Variants in JAML observed in about 807,000 individuals in gnomAD.
The protein encoded by JAML is junctional adhesion molecule-like.
Under a neutral mutation model 39.3 loss-of-function variants are expected in JAML, and 25 were observed. The observed-to-expected ratio is 0.64, with a 90% CI of 0.46 to 0.89. The LOEUF (loss-of-function observed/expected upper bound fraction) is 0.89, where lower values mean the gene tolerates loss of function less well. Ranked by LOEUF, JAML falls within the 40% of genes least tolerant of loss-of-function variation. The pLI, the probability that JAML is intolerant of heterozygous loss-of-function variation, is 0.00. For synonymous variants in JAML, 162 were observed against 179.2 expected (o/e 0.90, Z 0.77); for missense variants, 440 against 486.9 (o/e 0.90, Z 0.91).
Position 118,214,857 on chromosome 11 carries a change from G to A in JAML, c.10C>T (p.Pro4Ser). Residue 4 changes from proline to serine, a missense_variant, in exon 2 of 10, where the codon CCA becomes TCA. Transcript: ENST00000356289. The part of the protein sequence containing the change: MFC[P>S]LKLILLPVLL... ...ACTGGCAGCAGGATGAGTTTCAGTG[G>A]GCAAAACATGCTGCTCTCAACTTTC... 1 of 1,613,934 alleles carries A rather than the reference G, an allele frequency of 6.2e-7. No individual in the cohort carries two copies. The highest frequency in any genetic ancestry group is 8.5e-7 in the Non-Finnish European group (1 of 1,179,976).
intron 1 of JAML, among the ~76,000 whole-genome samples, chr11:118,224,574 CT>C (rs1949242023): frequency 6.6e-6 from 1 of 152,120 alleles, no homozygotes; most frequent in African/African-American, 2.4e-5. Flanking sequence ...AAACTGTCTT[CT>C]AAAAAGAAAA....
At chr11:118,205,743 AT>A in intron 5 of JAML, 138 bp downstream of exon 5, 1 of 686,062 alleles carries the variant, frequency 1.5e-6, no homozygotes, top group South Asian at 1.9e-5. Flanking sequence ...GAAAGCTGAA[AT>A]TGCTAGGAGA....
intron 9 of JAML, 80 bp from the exon 10 acceptor site, chr11:118,194,497 C>T: frequency 8.4e-7 from 1 of 1,191,478 alleles, no homozygotes; most frequent in Non-Finnish European, 1.2e-6. Context: ...GTTCATTGAG[C>T]TCTTCTCATG....
chr11:118,219,971 G>T (rs1041697393), intron 1 of JAML, among the ~76,000 whole-genome samples: 3 of 152,352 alleles, frequency 2.0e-5, no homozygotes, highest in East Asian at 3.9e-4. Context: ...ACTGACCAGG[G>T]CCACTTCCTG....
At chr11:118,197,934 C>CG (rs1279734351) in intron 8 of JAML, 64 bp downstream of exon 8, 4 of 1,449,016 alleles carry the variant, frequency 2.8e-6, no homozygotes, top group African/African-American at 2.8e-5. Flanking sequence ...ATATGGTTCC[C>CG]GGGGGTATGA....
In JAML at chr11:118,210,602, G is replaced by T; in HGVS notation, c.309C>A (p.Leu103=). 1.9e-6 allele frequency: 3 copies of T among 1,614,208 alleles called. No individual in the cohort carries two copies. The highest frequency in any genetic ancestry group is 1.7e-6 in the Non-Finnish European group (2 of 1,180,024). The part of the protein sequence containing the change: ...DILCNDGSLL[L]QDVQEADQGT... ...CCTGGTCAGCCTCTTGCACATCTTG[G>T]AGCAGGAGAGAGCCATCATTGCATA... is the stretch of plus-strand genomic sequence containing the variant. The change falls in exon 4 of 10, where the codon CTC becomes CTA. Residue 103 remains leucine, a synonymous_variant. Coordinates refer to ENST00000356289, the MANE Select transcript of JAML (RefSeq NM_001098526.2).
At chr11:118,203,839 G>A (rs903328215) in intron 5 of JAML, 174 bp from the exon 6 acceptor site, 8 of 600,184 alleles carry the variant, frequency 1.3e-5, no homozygotes, top group African/African-American at 3.7e-5. Context: ...ATGTGCATGC[G>A]TGTGTACTTG....
intron 1 of JAML, among the ~76,000 whole-genome samples, chr11:118,220,719 G>T (rs781310033): frequency 1.3e-5 from 2 of 152,166 alleles, no homozygotes; most frequent in African/African-American, 2.4e-5. Flanking sequence ...CTCCCTCCAG[G>T]TTGCCCTAAG....
At chr11:118,212,270 C>A in intron 3 of JAML, 137 bp downstream of exon 3, 1 of 1,079,348 alleles carries the variant, frequency 9.3e-7, no homozygotes, top group Non-Finnish European at 1.3e-6. Context: ...TAGGACGAGG[C>A]CCAGTTCTGA....
Position 118,203,670 on chromosome 11 carries a change from A to G in JAML, c.535-5T>C. 1 of 1,603,452 alleles carries G rather than the reference A, an allele frequency of 6.2e-7. No homozygotes were observed. The highest frequency in any genetic ancestry group is 8.5e-7 in the Non-Finnish European group (1 of 1,170,396). ...GTAACGAAATACAATCTCCTCCTAG[A>G]AGTGAAAGACAAAAAGTATGATATT... is the stretch of plus-strand genomic sequence containing the variant. On this transcript the variant is annotated splice_polypyrimidine_tract_variant and splice_region_variant and intron_variant, in intron 5 of 9. Transcript: ENST00000356289.
chr11:118,219,810 T>C lies in JAML; in HGVS notation c.-20-4924A>G, dbSNP rs545943701. On this transcript the variant is annotated intron_variant, in intron 1 of 9. Transcript: ENST00000356289. ...AACTCCACTATCTCAGTGAACAGCATCCAAGTTTGGAGACAGCTGAAGGTC... is the reference window on the plus strand; with the variant it reads ...AACTCCACTATCTCAGTGAACAGCACCCAAGTTTGGAGACAGCTGAAGGTC... Among the ~76,000 whole-genome samples the C allele has an allele frequency of 4.6e-5, 7 of 152,328 alleles. No individual in the cohort carries two copies. In the South Asian group the frequency reaches 1.4e-3, roughly 32 times the overall value.
chr11:118,212,630 A>G (rs2134670182), intron 2 of JAML, 69 bp from the exon 3 acceptor site: 7 of 1,570,450 alleles, frequency 4.5e-6, no homozygotes, highest in African/African-American at 1.3e-5. Context: ...ATCAATTCCA[A>G]TCATGGAGTA....
At chr11:118,194,487 G>A in intron 9 of JAML, 70 bp from the exon 10 acceptor site, 1 of 1,291,840 alleles carries the variant, frequency 7.7e-7, no homozygotes, top group Non-Finnish European at 1.1e-6. Flanking sequence ...AGCAGCTGCT[G>A]TTCATTGAGC....
chr11:118,212,726 G>A, intron 2 of JAML, 165 bp from the exon 3 acceptor site: 1 of 1,515,500 alleles, frequency 6.6e-7, no homozygotes, highest in Non-Finnish European at 8.8e-7. Flanking sequence ...CTGTCCTCTA[G>A]TTACCTATAT....
intron 4 of JAML, among the ~76,000 whole-genome samples, chr11:118,207,431 C>T (rs1247819559): frequency 2.0e-5 from 3 of 152,096 alleles, no homozygotes; most frequent in Admixed American, 1.3e-4. Context: ...AAGGAAAGCC[C>T]GAGTTTTCTC....
At position 118,200,473 on chromosome 11, in the gene JAML, C is replaced by T. The variant is rs1948761618; in HGVS notation, c.911+1G>A. ...TCCAAGGGGTGGGGGTAGCCCTGTACCTCTTATTTCCACAGGTCTTCTTCA... is the reference window on the plus strand; with the variant it reads ...TCCAAGGGGTGGGGGTAGCCCTGTATCTCTTATTTCCACAGGTCTTCTTCA... On this transcript the variant is annotated splice_donor_variant, in intron 7 of 9. Coordinates refer to ENST00000356289, the MANE Select transcript of JAML (RefSeq NM_001098526.2). LOFTEE classifies it high-confidence loss of function. 2.5e-6 allele frequency: 4 copies of T among 1,613,908 alleles called. No individual in the cohort carries two copies. The highest frequency in any genetic ancestry group is 2.5e-6 in the Non-Finnish European group (3 of 1,179,998).
At position 118,221,996 on chromosome 11, in the gene JAML, C is replaced by T. The variant is rs562576977; in HGVS notation, c.-21+2945G>A. ...AGATTCAAAAGCCAGAAATATTGGC[C>T]ATTTGTCCTGGCTAAAATCTGGTAA... On this transcript the variant is annotated intron_variant, in intron 1 of 9. Transcript: ENST00000356289. Among the ~76,000 whole-genome samples, 275 of 152,214 alleles carry T rather than the reference C, an allele frequency of 1.8e-3. 1 individual carries two copies. Among genetic ancestry groups the T allele is most frequent in the Non-Finnish European group, 3.4e-3 (233 of 67,996 alleles).
chr11:118,206,626 C>T (rs1342602830), intron 4 of JAML, among the ~76,000 whole-genome samples: 1 of 152,110 alleles, frequency 6.6e-6, no homozygotes, highest in Non-Finnish European at 1.5e-5. Flanking sequence ...GCTAATTAGG[C>T]CAAGACAAAA....
intron 1 of JAML, among the ~76,000 whole-genome samples, chr11:118,221,305 G>A (rs1355111676): frequency 6.6e-6 from 1 of 152,168 alleles, no homozygotes; most frequent in East Asian, 1.9e-4. Flanking sequence ...CAGTTATCTT[G>A]CACTATAGTT....
Sources: allele counts gnomAD v4.1 joint callset (sites outside exome capture counted in the v4.1 genomes callset), GRCh38; gene constraint gnomAD v4.1.1; transcripts MANE v1.5; gene names NCBI Gene and HGNC (gene_info 2026-07-23, HGNC 2026-07-21).